The following ZNF142 variants were observed in gnomAD, a reference collection of about 807,000 sequenced individuals.
ZNF142 encodes zinc finger protein 142.
ZNF142 carries 96 observed loss-of-function variants against 132.1 expected under a neutral mutation model. The ratio of observed to expected loss-of-function variants is 0.73; its 90% CI spans 0.62 to 0.86. ZNF142 has a LOEUF of 0.86. Ranked by LOEUF, ZNF142 falls within the 40% of genes least tolerant of loss-of-function variation. ZNF142 has a pLI of 0.00. For synonymous variants in ZNF142, 842 were observed against 890.1 expected (o/e 0.95, Z 0.96); for missense variants, 2,163 against 2,336.2 (o/e 0.93, Z 1.53).
chr2:218,644,541 T>A lies in ZNF142; in HGVS notation c.2575A>T (p.Met859Leu). ...CTTCCAGTGTTGACCTCCTCACTCA[T>A]CTCTGGCAGGGCCTGGTCCAAGCTG... Reference protein sequence around the residue: ...DPSLDQALPEMSEEVNTGRQE... With the variant: ...DPSLDQALPELSEEVNTGRQE... The change falls in exon 9 of 11, where the codon ATG (methionine) becomes TTG (leucine). Residue 859 changes from methionine to leucine, a missense_variant. Met to Leu is a conservative substitution (Grantham distance 15, BLOSUM62 2). Around this residue, in one of 7 missense-constraint regions of ZNF142, gnomAD observed 749 missense variants for 830.3 expected, o/e 0.90. Coordinates refer to ENST00000411696, the MANE Select transcript of ZNF142 (RefSeq NM_001379659.1). The surrounding 1 kb of genome is among the most constrained non-coding windows in gnomAD (Gnocchi z 4.6). The A allele has an allele frequency of 6.2e-7, 1 of 1,613,996 alleles. No individual in the cohort carries two copies. Among genetic ancestry groups the A allele is most frequent in the South Asian group, 1.1e-5 (1 of 91,080 alleles).
At chr2:218,648,543 G>T in intron 7 of ZNF142, 92 bp downstream of exon 7, 1 of 1,264,062 alleles carries the variant, frequency 7.9e-7, no homozygotes. Context: ...AGGAATTTTG[G>T]GTCAAATGAG....
At chr2:218,653,350 G>A (rs1938194367) in intron 4 of ZNF142, among the ~76,000 whole-genome samples, 1 of 151,994 alleles carries the variant, frequency 6.6e-6, no homozygotes, top group Non-Finnish European at 1.5e-5. Context: ...GGACGAGGTG[G>A]GTGGATCACC....
At position 218,636,594 on chromosome 2, in the gene ZNF142, G is replaced by A. The variant is rs1415638792; in HGVS notation, c.*1745C>T. Reference sequence around the variant, plus strand: ...GAGTCCTGAGGTGGGCATTTCACGGGAAGGGTTGGTGTGCTGGCTTTAGAC... The same window carrying A: ...GAGTCCTGAGGTGGGCATTTCACGGAAAGGGTTGGTGTGCTGGCTTTAGAC... On this transcript the variant is annotated 3_prime_UTR_variant, in exon 11 of 11. Transcript: ENST00000411696. The A allele has an allele frequency of 2.5e-6, 4 of 1,611,120 alleles. No individual in the cohort carries two copies. The highest frequency in any genetic ancestry group is 1.3e-5 in the African/African-American group (1 of 74,992).
chr2:218,649,942 T>C (rs1459274032), intron 6 of ZNF142, among the ~76,000 whole-genome samples: 2 of 152,232 alleles, frequency 1.3e-5, no homozygotes, highest in Non-Finnish European at 2.9e-5. Context: ...ACTTGATAAC[T>C]ATGCTCCTTG....
chr2:218,656,440 T>C lies in ZNF142; in HGVS notation c.-11A>G. The stretch of plus-strand genomic sequence containing the variant: ...AAGGGGGTCTGTCATCACCACCGAC[T>C]TGTGTGTTTTGGCTTCTTAAATGCT... On this transcript the variant is annotated 5_prime_UTR_variant, in exon 4 of 11. Coordinates refer to ENST00000411696, the MANE Select transcript of ZNF142 (RefSeq NM_001379659.1). 7.1e-7 allele frequency: 1 copy of C among 1,406,530 alleles called. No individual in the cohort carries two copies. The highest frequency in any genetic ancestry group is 9.3e-7 in the Non-Finnish European group (1 of 1,071,454). 87.1% of individuals were successfully genotyped at this position (1,406,530 alleles called of 1,614,324 possible).
intron 10 of ZNF142, 36 bp downstream of exon 10, chr2:218,640,628 G>A: frequency 6.3e-7 from 1 of 1,595,610 alleles, no homozygotes; most frequent in Non-Finnish European, 8.6e-7. Context: ...GGGAACAAAG[G>A]AACCCTTCAG....
In ZNF142 at chr2:218,644,059, C is replaced by T. The variant is rs1697511826; in HGVS notation, c.3057G>A (p.Val1019=). 2 of 1,614,136 alleles carry T rather than the reference C, an allele frequency of 1.2e-6. No individual in the cohort carries two copies. Among genetic ancestry groups the T allele is most frequent in the Non-Finnish European group, 1.7e-6 (2 of 1,180,020 alleles). The part of the protein sequence containing the change: ...RQDKEQAEAL[V]LEGRVQMVVI... ...CTACCATCTGCACCCGCCCCTCTAGCACCAATGCCTCTGCTTGTTCTTTGT... is the reference window on the plus strand; with the variant it reads ...CTACCATCTGCACCCGCCCCTCTAGTACCAATGCCTCTGCTTGTTCTTTGT... The change falls in exon 9 of 11, where the codon GTG becomes GTA. Residue 1019 remains valine (V), a synonymous_variant. Coordinates refer to ENST00000411696, the MANE Select transcript of ZNF142 (RefSeq NM_001379659.1). This position sits in a 1 kb window ranked among gnomAD's most constrained non-coding sequence, Gnocchi z 4.6.
chr2:218,650,633 C>T, intron 5 of ZNF142, 107 bp from the exon 6 acceptor site: 1 of 1,127,162 alleles, frequency 8.9e-7, no homozygotes, highest in Non-Finnish European at 1.2e-6. Flanking sequence ...CCACTTTTAG[C>T]ATAAGGAGAT....
chr2:218,634,157 CG>C lies in ZNF142; in HGVS notation c.*4181del, dbSNP rs759991266. On this transcript the variant is annotated 3_prime_UTR_variant, in exon 11 of 11. Coordinates refer to ENST00000411696, the MANE Select transcript of ZNF142 (RefSeq NM_001379659.1). This position sits in a 1 kb window ranked among gnomAD's most constrained non-coding sequence, Gnocchi z 4.0. ...GGCAGTTAAGCCGTGTGTATCCCAG[CG>C]GCCTGAGGACAGACTCTTCCAACTA... is the stretch of plus-strand genomic sequence containing the variant. 1 of 1,612,672 alleles carries C rather than the reference CG, an allele frequency of 6.2e-7. No individual in the cohort carries two copies. Among genetic ancestry groups the C allele is most frequent in the South Asian group, 1.1e-5 (1 of 90,704 alleles).
chr2:218,644,499 C>A lies in ZNF142; in HGVS notation c.2617G>T (p.Ala873Ser). Residue 873 changes from alanine to serine, a missense_variant, in exon 9 of 11, where the codon GCT becomes TCT. Around this residue, in one of 7 missense-constraint regions of ZNF142, gnomAD observed 749 missense variants for 830.3 expected, o/e 0.90. Coordinates refer to ENST00000411696, the MANE Select transcript of ZNF142 (RefSeq NM_001379659.1). The surrounding 1 kb of genome is among the most constrained non-coding windows in gnomAD (Gnocchi z 4.6). ...CCACCCAGGTCACCCCCATGGGGAG[C>A]CTCACTGCCCTCCTGTCTTCCAGTG... ...VNTGRQEGSE[A>S]PHGGDLGGSP... 6.2e-7 allele frequency: 1 copy of A among 1,613,978 alleles called. No individual in the cohort carries two copies. The highest frequency in any genetic ancestry group is 8.5e-7 in the Non-Finnish European group (1 of 1,179,998).
intron 4 of ZNF142, among the ~76,000 whole-genome samples, chr2:218,652,589 T>C (rs1034287930): frequency 4.6e-5 from 7 of 152,130 alleles, no homozygotes; most frequent in African/African-American, 1.4e-4. Flanking sequence ...AGACAGTATA[T>C]TTTGCCCAAG....
At position 218,633,893 on chromosome 2, in the gene ZNF142, A is replaced by G; in HGVS notation, c.*4446T>C. 1 of 1,267,908 alleles carries G rather than the reference A, an allele frequency of 7.9e-7. No homozygotes were observed. The highest frequency in any genetic ancestry group is 1.1e-6 in the Non-Finnish European group (1 of 902,278). The allele number at this position is 1,267,908 out of a possible 1,614,324, so 78.5% of individuals were successfully genotyped here. On this transcript the variant is annotated 3_prime_UTR_variant, in exon 11 of 11. Coordinates refer to ENST00000411696, the MANE Select transcript of ZNF142 (RefSeq NM_001379659.1). ...ATGAAGGAGTTCAGAAACTCCTTAG[A>G]GCAGACAAGGGCAGAGGAGTTATGA...
Position 218,650,516 on chromosome 2 carries a change from C to T in ZNF142, c.891G>A (p.Leu297=). ...PSQELLPAPK[L]PPGEREPSQE... ...GTGAAGGTTCTCTCTCTCCTGGAGGCAGTTTGGGAGCTGGAGATACATAAA... is the reference window on the plus strand; with the variant it reads ...GTGAAGGTTCTCTCTCTCCTGGAGGTAGTTTGGGAGCTGGAGATACATAAA... Residue 297 remains leucine, a synonymous_variant, in exon 6 of 11, where the codon CTG becomes CTA. Transcript: ENST00000411696. The T allele has an allele frequency of 6.3e-7, 1 of 1,584,444 alleles. No homozygotes were observed. The highest frequency in any genetic ancestry group is 8.6e-7 in the Non-Finnish European group (1 of 1,166,256).
At position 218,637,926 on chromosome 2, in the gene ZNF142, A is replaced by G. The variant is rs1254118549; in HGVS notation, c.*413T>C. 6.3e-6 allele frequency: 1 copy of G among 159,238 alleles called. No homozygotes were observed. Among genetic ancestry groups the G allele is most frequent in the African/African-American group, 2.4e-5 (1 of 41,764 alleles). The allele number at this position is 159,238 out of a possible 1,614,324, so 9.9% of individuals were successfully genotyped here. ...TAATGTAGTAACCACTTTCTGTTTA[A>G]CATGCTTTATAGAGCATTAGGCACA... On this transcript the variant is annotated 3_prime_UTR_variant, in exon 11 of 11. Coordinates refer to ENST00000411696, the MANE Select transcript of ZNF142 (RefSeq NM_001379659.1).
Position 218,644,563 on chromosome 2 carries a change from G to A in ZNF142, c.2553C>T (p.Ser851=). ...GHEPGTVVDP[S]LDQALPEMSE... is the part of the protein sequence containing the mutation. ...TCATCTCTGGCAGGGCCTGGTCCAAGCTGGGGTCCACCACAGTCCCAGGTT... is the reference window on the plus strand; with the variant it reads ...TCATCTCTGGCAGGGCCTGGTCCAAACTGGGGTCCACCACAGTCCCAGGTT... The change falls in exon 9 of 11, where the codon AGC becomes AGT. Residue 851 remains serine, a synonymous_variant. Transcript: ENST00000411696. This position sits in a 1 kb window ranked among gnomAD's most constrained non-coding sequence, Gnocchi z 4.6. The A allele has an allele frequency of 6.2e-7, 1 of 1,614,132 alleles. No individual in the cohort carries two copies. Among genetic ancestry groups the A allele is most frequent in the South Asian group, 1.1e-5 (1 of 91,078 alleles).
rs1204183041 is a variant in ZNF142, at chr2:218,633,739, C to G, written c.*4600G>C. The G allele has an allele frequency of 6.2e-7, 1 of 1,613,848 alleles. No individual in the cohort carries two copies. The highest frequency in any genetic ancestry group is 1.3e-5 in the African/African-American group (1 of 74,910). The stretch of plus-strand genomic sequence containing the variant: ...TATCATCTTTCTCTGAAACCAAGGC[C>G]AAGCGCCTCATCAAGGAGGCTGGTC... On this transcript the variant is annotated 3_prime_UTR_variant, in exon 11 of 11. Transcript: ENST00000411696.
chr2:218,639,006 T>G (rs1696952513), intron 10 of ZNF142, among the ~76,000 whole-genome samples, 198 bp from the exon 11 acceptor site: 2 of 152,218 alleles, frequency 1.3e-5, no homozygotes, highest in African/African-American at 4.8e-5. Flanking sequence ...AGTTTCGCTC[T>G]TGTTGCCCAG....
Position 218,649,289 on chromosome 2 carries a change from T to C in ZNF142, c.1219A>G (p.Lys407Glu). The C allele has an allele frequency of 6.2e-7, 1 of 1,614,140 alleles. No homozygotes were observed. Among genetic ancestry groups the C allele is most frequent in the Non-Finnish European group, 8.5e-7 (1 of 1,179,922 alleles). The stretch of plus-strand genomic sequence containing the variant: ...CCCAGCTCCCGCAGCAGATGGGTCT[T>C]GAGCTTGCTCTTACTGGTGAAGAAC... ...QKFFTSKSKL[K>E]THLLRELGEK... Residue 407 changes from lysine (K) to glutamate (E), a missense_variant, in exon 7 of 11, where the codon AAG becomes GAG. This residue lies in a region of ZNF142 where 749 missense variants were observed against 830.3 expected (regional missense o/e 0.90). Coordinates refer to ENST00000411696, the MANE Select transcript of ZNF142 (RefSeq NM_001379659.1).
At chr2:218,648,040 G>A (rs1486217441) in intron 7 of ZNF142, among the ~76,000 whole-genome samples, 1 of 152,194 alleles carries the variant, frequency 6.6e-6, no homozygotes, top group East Asian at 1.9e-4. Context: ...AAAATGTCCT[G>A]TCAATCCACT....
Sources: gnomAD v4.1 joint callset for allele counts (sites outside exome capture counted in the v4.1 genomes callset) on GRCh38, gnomAD v4.1.1 for gene constraint, gnomAD v4.1.1 regional missense constraint, Gnocchi (gnomAD v3.1) non-coding constraint, MANE v1.5 for transcripts, NCBI Gene and HGNC (gene_info 2026-07-23, HGNC 2026-07-21) for gene names.